ACSL1: variants seen among roughly 807,000 people sequenced by gnomAD.
The protein encoded by ACSL1 is acyl-CoA synthetase long chain family member 1.
Under a neutral mutation model 98.4 loss-of-function variants are expected in ACSL1, and 41 were observed. That is an observed-to-expected ratio of 0.42 (90% CI 0.32 to 0.54). The LOEUF (loss-of-function observed/expected upper bound fraction) is 0.54. Among genes scored for constraint, ACSL1 ranks in the 20% least tolerant of loss-of-function variants. ACSL1 has a pLI of 0.13. For synonymous variants in ACSL1, 316 were observed against 322.7 expected, an observed-to-expected ratio of 0.98 and a Z score of 0.22; for missense variants, 734 against 883.1, an observed-to-expected ratio of 0.83 and a Z score of 2.14.
Position 184,757,789 on chromosome 4 carries a change from G to A in ACSL1, c.1884+30C>T. The A allele has an allele frequency of 6.2e-7, 1 of 1,611,962 alleles. No homozygotes were observed. The highest frequency in any genetic ancestry group is 8.5e-7 in the Non-Finnish European group (1 of 1,178,076). On this transcript the variant is annotated intron_variant, in intron 19 of 20. Transcript: ENST00000281455. The surrounding 1 kb of genome is among the most constrained non-coding windows in gnomAD (Gnocchi z 4.5). ...GGTACATTTAATGCCAAGTTATGAT[G>A]AGGACAGACTGGACCCTTCAGAACC...
At chr4:184,761,443 G>T (rs1273859530) in intron 17 of ACSL1, among the ~76,000 whole-genome samples, 2 of 152,112 alleles carry the variant, frequency 1.3e-5, no homozygotes, top group African/African-American at 4.8e-5. Context: ...TAATTTTAGG[G>T]CTTGCAATCA....
intron 17 of ACSL1, among the ~76,000 whole-genome samples, chr4:184,761,150 T>C (rs1192956615): frequency 1.3e-5 from 2 of 152,198 alleles, no homozygotes; most frequent in Non-Finnish European, 2.9e-5. Flanking sequence ...AGAAAGTGTC[T>C]AGGGTTCTTT....
rs1156795048 is a variant in ACSL1, at chr4:184,820,131, C to T, written c.-33+5785G>A. Among the ~76,000 whole-genome samples the T allele has an allele frequency of 2.0e-5, 3 of 152,178 alleles. No homozygotes were observed. In the East Asian group the frequency reaches 5.8e-4, roughly 29 times the overall value. ...TGGCCAAGTCACCCCCCTCCGATCC[C>T]TGCAGACTCCCAAGTAGCTGGGACT... On this transcript the variant is annotated intron_variant, in intron 1 of 20. Transcript: ENST00000281455.
chr4:184,799,671 G>C (rs1485415632), intron 2 of ACSL1, among the ~76,000 whole-genome samples: 1 of 152,090 alleles, frequency 6.6e-6, no homozygotes, highest in East Asian at 1.9e-4. Context: ...AACACAGCAA[G>C]ACCTCATCTC....
chr4:184,764,086 TA>T (rs1763230630), intron 15 of ACSL1, among the ~76,000 whole-genome samples: 1 of 152,188 alleles, frequency 6.6e-6, no homozygotes, highest in African/African-American at 2.4e-5. Context: ...ATACTCCAAA[TA>T]AGCTGGGAAG....
intron 12 of ACSL1, chr4:184,768,107 G>T: frequency 1.9e-6 from 1 of 518,790 alleles, no homozygotes. Flanking sequence ...GGTTTACAAA[G>T]TGTGTTCATG....
chr4:184,811,311 A>C (rs1034541402), intron 1 of ACSL1, among the ~76,000 whole-genome samples: 1 of 151,644 alleles, frequency 6.6e-6, no homozygotes, highest in Non-Finnish European at 1.5e-5. Context: ...ACGGGGTTTC[A>C]CCGTGTTGGC....
intron 1 of ACSL1, among the ~76,000 whole-genome samples, chr4:184,815,792 T>C (rs1007186187): frequency 1.3e-5 from 2 of 152,104 alleles, no homozygotes; most frequent in Non-Finnish European, 2.9e-5. Context: ...GTTGAGTTTT[T>C]ACAGATTTCA....
At position 184,773,754 on chromosome 4, in the gene ACSL1, C is replaced by A. The variant is rs1161309896; in HGVS notation, c.790-40G>T. 2 of 1,602,962 alleles carry A rather than the reference C, an allele frequency of 1.2e-6. No homozygotes were observed. The highest frequency in any genetic ancestry group is 2.2e-5 in the South Asian group (2 of 89,126). ...AAAAAAAAGCTGGTATAAATCAGAA[C>A]AGAAAAGAGAACTATAAGCCACAAG... On this transcript the variant is annotated intron_variant, in intron 8 of 20. Transcript: ENST00000281455. This position sits in a 1 kb window ranked among gnomAD's most constrained non-coding sequence, Gnocchi z 4.3.
intron 2 of ACSL1, among the ~76,000 whole-genome samples, chr4:184,789,243 C>G (rs548902367): frequency 6.6e-6 from 1 of 152,296 alleles, no homozygotes; most frequent in East Asian, 1.9e-4. Context: ...AACAGGTTTA[C>G]AGACCTACAA....
At chr4:184,799,441 T>C (rs1198289173) in intron 2 of ACSL1, among the ~76,000 whole-genome samples, 1 of 152,138 alleles carries the variant, frequency 6.6e-6, no homozygotes, top group Non-Finnish European at 1.5e-5. Context: ...TGACAATTTC[T>C]GATCCTATAC....
chr4:184,763,250 C>T lies in ACSL1; in HGVS notation c.1438G>A (p.Val480Ile). 6.2e-7 allele frequency: 1 copy of T among 1,614,000 alleles called. No homozygotes were observed. ...AAATTGCACGGCATCGGGGCCCCAA[C>T]ATGGCCTGTATATTAAATAAGCAAA... The part of the protein sequence containing the change: ...TMPGDWTAGH[V>I]GAPMPCNLIK... Residue 480 changes from valine (V) to isoleucine (I), a missense_variant, in exon 16 of 21, where the codon GTT becomes ATT. By Grantham distance (29) the Val-to-Ile change is conservative. Transcript: ENST00000281455.
intron 1 of ACSL1, among the ~76,000 whole-genome samples, chr4:184,811,400 C>T (rs946271469): frequency 6.6e-6 from 1 of 152,106 alleles, no homozygotes; most frequent in African/African-American, 2.4e-5. Flanking sequence ...GTGTGAGCCA[C>T]CGCGCCCAGC....
Position 184,776,515 on chromosome 4 carries a change from C to T in ACSL1, c.725G>A (p.Gly242Glu), listed in dbSNP as rs777126287. ...SELVERGQRC[G>E]VEVTSMKAME... ...CGCCTTCATGCTGGTGACTTCCACC[C>T]CACACCTCTGGCCTCGTTCCACCAG... The change falls in exon 7 of 21, where the codon GGG becomes GAG. Residue 242 changes from glycine to glutamate, a missense_variant. By Grantham distance (98) the Gly-to-Glu change is moderately conservative. Transcript: ENST00000281455. 2 of 1,613,884 alleles carry T rather than the reference C, an allele frequency of 1.2e-6. No homozygotes were observed. Among genetic ancestry groups the T allele is most frequent in the Admixed American group, 1.7e-5 (1 of 60,000 alleles).
intron 4 of ACSL1, 36 bp from the exon 5 acceptor site, chr4:184,780,469 G>T: frequency 6.6e-7 from 1 of 1,518,928 alleles, no homozygotes; most frequent in Non-Finnish European, 9.1e-7. Context: ...AGCAGCATTG[G>T]GCCCCAACTC....
At chr4:184,764,805 C>G in intron 15 of ACSL1, 48 bp downstream of exon 15, 2 of 1,530,602 alleles carry the variant, frequency 1.3e-6, no homozygotes, top group South Asian at 2.3e-5. Flanking sequence ...ATACCAATAA[C>G]CCAGTATGAA....
At chr4:184,801,637 A>G (rs1222420865) in intron 2 of ACSL1, among the ~76,000 whole-genome samples, 5 of 152,252 alleles carry the variant, frequency 3.3e-5, no homozygotes, top group Non-Finnish European at 7.3e-5. Flanking sequence ...TTTTTTAAAA[A>G]GGCAAAGCAA....
chr4:184,803,020 T>C lies in ACSL1; in HGVS notation c.195+300A>G, dbSNP rs1312195286. On this transcript the variant is annotated intron_variant, in intron 2 of 20. Transcript: ENST00000281455. The surrounding 1 kb of genome is among the most constrained non-coding windows in gnomAD (Gnocchi z 4.8). ...CAGGGGTTCTGTGCTATATTTTTCCTTATGGAATCCTCCAGGCTGACCACA... is the reference window on the plus strand; with the variant it reads ...CAGGGGTTCTGTGCTATATTTTTCCCTATGGAATCCTCCAGGCTGACCACA... Among the ~76,000 whole-genome samples, 1 of 152,172 alleles carries C rather than the reference T, an allele frequency of 6.6e-6. No individual in the cohort carries two copies. Among genetic ancestry groups the C allele is most frequent in the East Asian group, 1.9e-4 (1 of 5,194 alleles).
Position 184,773,463 on chromosome 4 carries a change from A to C in ACSL1, c.841+200T>G, listed in dbSNP as rs964269351. On this transcript the variant is annotated intron_variant, in intron 9 of 20. Coordinates refer to ENST00000281455, the MANE Select transcript of ACSL1 (RefSeq NM_001995.5). This position sits in a 1 kb window ranked among gnomAD's most constrained non-coding sequence, Gnocchi z 4.3. ...GACAGGTGAATCTAATATCACCCTC[A>C]ATAAATGTTTGAGGAATTATCCGGC... Among the ~76,000 whole-genome samples the C allele has an allele frequency of 1.3e-5, 2 of 152,236 alleles. No individual in the cohort carries two copies. Among genetic ancestry groups the C allele is most frequent in the Non-Finnish European group, 2.9e-5 (2 of 68,044 alleles).
Sources: gnomAD v4.1 joint callset for allele counts (sites outside exome capture counted in the v4.1 genomes callset) on GRCh38, gnomAD v4.1.1 for gene constraint, Gnocchi (gnomAD v3.1) non-coding constraint, MANE v1.5 for transcripts, NCBI Gene and HGNC (gene_info 2026-07-23, HGNC 2026-07-21) for gene names.